The following CCDC138 variants were observed in gnomAD, a reference collection of about 807,000 sequenced individuals.
CCDC138 encodes the protein coiled-coil domain-containing protein 138.
Under a neutral mutation model 82.3 loss-of-function variants are expected in CCDC138, and 66 were observed. That is an observed-to-expected ratio of 0.80 (90% confidence interval 0.66 to 0.98). CCDC138 has a LOEUF of 0.98. CCDC138 is among the 50% of genes least tolerant of loss of function. CCDC138 has a pLI of 0.00. For synonymous variants in CCDC138, 297 were observed against 265.4 expected (o/e 1.12, Z -1.16); for missense variants, 816 against 758.9 (o/e 1.08, Z -0.88).
chr2:108,853,527 T>G (rs969901432), intron 12 of CCDC138, among the ~76,000 whole-genome samples: 2 of 149,514 alleles, frequency 1.3e-5, no homozygotes, highest in Non-Finnish European at 3.0e-5. Context: ...CTGATAGCTT[T>G]CTTTTTTTTT....
At chr2:108,806,807 A>G (rs1270184506) in intron 7 of CCDC138, among the ~76,000 whole-genome samples, 2 of 152,212 alleles carry the variant, frequency 1.3e-5, no homozygotes, top group Non-Finnish European at 2.9e-5. Flanking sequence ...ACATTTTCTA[A>G]TAATTTAAAA....
chr2:108,790,001 C>T (rs1212398770), intron 3 of CCDC138, among the ~76,000 whole-genome samples: 1 of 151,908 alleles, frequency 6.6e-6, no homozygotes, highest in Non-Finnish European at 1.5e-5. Flanking sequence ...AATAATTATG[C>T]CTAAAGTATC....
chr2:108,844,748 ATT>A (rs558837577), intron 11 of CCDC138, among the ~76,000 whole-genome samples: 35 of 136,668 alleles, frequency 2.6e-4, no homozygotes, highest in African/African-American at 3.5e-4. Flanking sequence ...TACTATCCAC[ATT>A]TTTTTTTTTT....
At position 108,873,449 on chromosome 2, in the gene CCDC138, A is replaced by G; in HGVS notation, c.1694-2A>G. ...GTAAAGCACTGTTGATTTGTTTTGC[A>G]GAATCCTTGCAGCCTTTCCTGGAAG... On this transcript the variant is annotated splice_acceptor_variant, in intron 13 of 14. Coordinates refer to ENST00000295124, the MANE Select transcript of CCDC138 (RefSeq NM_144978.3). LOFTEE classifies it high-confidence loss of function. 1 of 1,584,516 alleles carries G rather than the reference A, an allele frequency of 6.3e-7. No individual in the cohort carries two copies. The highest frequency in any genetic ancestry group is 8.6e-7 in the Non-Finnish European group (1 of 1,169,172).
intron 10 of CCDC138, among the ~76,000 whole-genome samples, chr2:108,820,854 T>G (rs1340132458): frequency 6.6e-6 from 1 of 152,172 alleles, no homozygotes; most frequent in Non-Finnish European, 1.5e-5. Flanking sequence ...TCCTTCAGGT[T>G]GAAATGAAAG....
At chr2:108,874,864 C>T (rs770381279) in intron 14 of CCDC138, among the ~76,000 whole-genome samples, 12 of 152,068 alleles carry the variant, frequency 7.9e-5, no homozygotes, top group Middle Eastern at 3.4e-3. Context: ...CTTATGGTGC[C>T]ATGAAGCTGC....
At chr2:108,846,590 T>C in intron 11 of CCDC138, 148 bp from the exon 12 acceptor site, 1 of 607,230 alleles carries the variant, frequency 1.6e-6, no homozygotes. Flanking sequence ...GGTAGGAGGA[T>C]TGCTTGAGCC....
intron 4 of CCDC138, among the ~76,000 whole-genome samples, chr2:108,792,683 G>A (rs1006406535): frequency 1.3e-5 from 2 of 152,072 alleles, no homozygotes; most frequent in African/African-American, 2.4e-5. Context: ...TTACTTCTCC[G>A]TTGTCTGTTC....
chr2:108,852,622 G>A (rs556608033), intron 12 of CCDC138, among the ~76,000 whole-genome samples: 1 of 152,272 alleles, frequency 6.6e-6, no homozygotes, highest in Admixed American at 6.5e-5. Flanking sequence ...GGACTTGGAG[G>A]CCGTTATCCT....
At chr2:108,839,434 G>A in intron 11 of CCDC138, 133 bp downstream of exon 11, 1 of 702,036 alleles carries the variant, frequency 1.4e-6, no homozygotes, top group South Asian at 2.7e-5. Flanking sequence ...GTCTTGCTGG[G>A]ATTTTGATAG....
At chr2:108,852,618 G>C (rs1691695338) in intron 12 of CCDC138, among the ~76,000 whole-genome samples, 1 of 152,144 alleles carries the variant, frequency 6.6e-6, no homozygotes, top group African/African-American at 2.4e-5. Flanking sequence ...GGATGGACTT[G>C]GAGGCCGTTA....
At chr2:108,804,663 T>C (rs1280179351) in intron 6 of CCDC138, among the ~76,000 whole-genome samples, 1 of 152,212 alleles carries the variant, frequency 6.6e-6, no homozygotes, top group East Asian at 1.9e-4. Flanking sequence ...AATGCTAATA[T>C]GTTTTAATAA....
chr2:108,817,603 C>A (rs1685018788), intron 10 of CCDC138, among the ~76,000 whole-genome samples: 2 of 152,088 alleles, frequency 1.3e-5, no homozygotes, highest in Non-Finnish European at 2.9e-5. Context: ...CAGATATCTT[C>A]TGGAAGCTGG....
At chr2:108,874,288 T>C (rs1042555396) in intron 14 of CCDC138, among the ~76,000 whole-genome samples, 1 of 152,202 alleles carries the variant, frequency 6.6e-6, no homozygotes, top group Admixed American at 6.5e-5. Context: ...AGTAAACTCT[T>C]ATGGACTGCC....
chr2:108,786,871 A>C lies in CCDC138; in HGVS notation c.49A>C (p.Ser17Arg). 1.9e-6 allele frequency: 3 copies of C among 1,579,892 alleles called. No homozygotes were observed. The highest frequency in any genetic ancestry group is 2.8e-5 in the African/African-American group (2 of 72,350). The change falls in exon 1 of 15, where the codon AGT (serine) becomes CGT (arginine). Residue 17 changes from serine (S) to arginine (R), a missense_variant. Ser to Arg is a moderately radical substitution (Grantham distance 110, BLOSUM62 -1). Transcript: ENST00000295124. ...ACCGGGGCAGGATTTAGTAGTGGAGAGTCTCAAAAGCCGCTACGGACTCGG... is the reference window on the plus strand; with the variant it reads ...ACCGGGGCAGGATTTAGTAGTGGAGCGTCTCAAAAGCCGCTACGGACTCGG... ...KPPGQDLVVE[S>R]LKSRYGLGGS...
intron 11 of CCDC138, among the ~76,000 whole-genome samples, chr2:108,841,125 C>T (rs1427084186): frequency 2.0e-5 from 3 of 152,042 alleles, no homozygotes; most frequent in Non-Finnish European, 4.4e-5. Flanking sequence ...TGTGAGCCAC[C>T]GTGTCTGGCT....
intron 9 of CCDC138, among the ~76,000 whole-genome samples, chr2:108,815,135 A>G (rs1428709654): frequency 6.6e-6 from 1 of 152,136 alleles, no homozygotes; most frequent in Non-Finnish European, 1.5e-5. Flanking sequence ...TAGGAAAAAA[A>G]TGTTCATATG....
intron 3 of CCDC138, among the ~76,000 whole-genome samples, 181 bp downstream of exon 3, chr2:108,789,147 C>G (rs1227515323): frequency 6.6e-6 from 1 of 152,118 alleles, no homozygotes; most frequent in Non-Finnish European, 1.5e-5. Context: ...CTGAGAATCT[C>G]TGTAATAAAA....
intron 7 of CCDC138, among the ~76,000 whole-genome samples, chr2:108,809,603 A>C (rs1465866489): frequency 6.6e-6 from 1 of 151,988 alleles, no homozygotes; most frequent in Non-Finnish European, 1.5e-5. Flanking sequence ...TGTAAACAGG[A>C]TAGATTTCTT....
Sources: allele counts gnomAD v4.1 joint callset (sites outside exome capture counted in the v4.1 genomes callset), GRCh38; gene constraint gnomAD v4.1.1; transcripts MANE v1.5; gene names NCBI Gene and HGNC (gene_info 2026-07-23, HGNC 2026-07-21).